The following FREM1 variants were observed in gnomAD, a reference collection of about 807,000 sequenced individuals.
The protein encoded by FREM1 is FRAS1-related extracellular matrix protein 1.
Under a neutral mutation model 210.1 loss-of-function variants are expected in FREM1, and 220 were observed. The ratio of observed to expected loss-of-function variants is 1.05; its 90% CI spans 0.94 to 1.17. The LOEUF (loss-of-function observed/expected upper bound fraction) is 1.17, where lower values mean the gene tolerates loss of function less well. Among genes scored for constraint, FREM1 ranks in the 50% most tolerant of loss-of-function variants. FREM1 has a pLI of 0.00. For synonymous variants in FREM1, 1,189 were observed against 980.2 expected (o/e 1.21, Z -3.98); for missense variants, 3,454 against 2,675.5 (o/e 1.29, Z -6.42).
chr9:14,796,300 A>C (rs1852370749), intron 21 of FREM1, among the ~76,000 whole-genome samples: 1 of 152,154 alleles, frequency 6.6e-6, no homozygotes. Context: ...TTACTGTTGC[A>C]CTATTGAAAA....
At chr9:14,870,257 C>T (rs979536860) in intron 1 of FREM1, among the ~76,000 whole-genome samples, 1 of 152,168 alleles carries the variant, frequency 6.6e-6, no homozygotes, top group Non-Finnish European at 1.5e-5. Flanking sequence ...ATTTCCATTC[C>T]CTTGTCACTG....
At chr9:14,781,049 A>G (rs1251203041) in intron 24 of FREM1, among the ~76,000 whole-genome samples, 1 of 152,152 alleles carries the variant, frequency 6.6e-6, no homozygotes, top group Non-Finnish European at 1.5e-5. Context: ...TTCTCCACAA[A>G]TTTTTGGTAC....
chr9:14,782,706 GACA>G (rs1849819352), intron 24 of FREM1, among the ~76,000 whole-genome samples: 2 of 152,136 alleles, frequency 1.3e-5, no homozygotes, highest in African/African-American at 2.4e-5. Context: ...AGAATATAAT[GACA>G]ACAACAACGA....
chr9:14,776,170 G>A lies in FREM1; in HGVS notation c.4476C>T (p.His1492=), dbSNP rs368796043. Residue 1492 remains histidine (H), a synonymous_variant, in exon 25 of 37, where the codon CAC becomes CAT. Transcript: ENST00000380880. ...FIISNGLRTE[H]GVFEITLETV... is the part of the protein sequence containing the mutation. The stretch of plus-strand genomic sequence containing the variant: ...TCTCCAGTGTGATCTCAAACACCCC[G>A]TGCTCGGTCCGCAGTCCATTGCTGA... 155 of 1,540,240 alleles carry A rather than the reference G, an allele frequency of 1.0e-4. No homozygotes were observed. The highest frequency in any genetic ancestry group is 1.2e-4 in the Non-Finnish European group (140 of 1,143,666).
At chr9:14,776,300 T>G in intron 24 of FREM1, 97 bp from the exon 25 acceptor site, 17 of 1,331,032 alleles carry the variant, frequency 1.3e-5, no homozygotes, top group Non-Finnish European at 1.7e-5. Context: ...TAAAGGGTAT[T>G]GTCGTGTTGT....
In FREM1 at chr9:14,824,121, G is replaced by A; in HGVS notation, c.2079-6C>T. 1.3e-6 allele frequency: 2 copies of A among 1,531,154 alleles called. No homozygotes were observed. Among genetic ancestry groups the A allele is most frequent in the Non-Finnish European group, 1.8e-6 (2 of 1,121,348 alleles). The allele number at this position is 1,531,154 out of a possible 1,614,324, so 94.8% of individuals were successfully genotyped here. A position where few individuals can be genotyped will look rare whatever the true frequency, so the allele number is the denominator to read the frequency against. On this transcript the variant is annotated splice_polypyrimidine_tract_variant and splice_region_variant and intron_variant, in intron 11 of 36. Coordinates refer to ENST00000380880, the MANE Select transcript of FREM1 (RefSeq NM_001379081.2). The stretch of plus-strand genomic sequence containing the variant: ...ATTTCCCAGCATCCAAGTGTCTAAA[G>A]AGAAATACAGAGGAGCACATCAGCT...
chr9:14,775,767 G>A (rs1204113756), intron 25 of FREM1, 22 bp downstream of exon 25: 3 of 1,156,770 alleles, frequency 2.6e-6, no homozygotes, highest in East Asian at 2.8e-5. Context: ...TCTGGCAAAT[G>A]AACTGTGTTT....
chr9:14,776,082 C>G lies in FREM1; in HGVS notation c.4564G>C (p.Val1522Leu), dbSNP rs61735747. ...AGGAGGTCAGGGGAAAGCAGGCCCA[C>G]GGCCCCTTGGGCCAGTCTCAACCCC... ...NKGLRLAQGA[V>L]GLLSPDLLQL... The change falls in exon 25 of 37, where the codon GTG becomes CTG. Residue 1522 changes from valine to leucine, a missense_variant. By Grantham distance (32) the Val-to-Leu change is conservative (BLOSUM62 1). Transcript: ENST00000380880. The G allele has an allele frequency of 6.2e-7, 1 of 1,612,766 alleles. No homozygotes were observed. The highest frequency in any genetic ancestry group is 8.5e-7 in the Non-Finnish European group (1 of 1,179,034).
chr9:14,866,299 T>C (rs1831504138), intron 2 of FREM1, among the ~76,000 whole-genome samples: 1 of 152,200 alleles, frequency 6.6e-6, no homozygotes. Context: ...TTTTACCTAG[T>C]TCTAGTCACT....
chr9:14,823,278 A>G lies in FREM1; in HGVS notation c.2219T>C (p.Ile740Thr). 2 of 1,613,972 alleles carry G rather than the reference A, an allele frequency of 1.2e-6. No homozygotes were observed. Among genetic ancestry groups the G allele is most frequent in the Middle Eastern group, 1.6e-4 (1 of 6,062 alleles). ...CTGGACATCTCTGCAATGGGGACCAATGTCTTGCATGGGGGGCATGTAGGC... is the reference window on the plus strand; with the variant it reads ...CTGGACATCTCTGCAATGGGGACCAGTGTCTTGCATGGGGGGCATGTAGGC... Reference protein sequence around the residue: ...KVAYMPPMQDIGPHCRDVQFT... With the variant: ...KVAYMPPMQDTGPHCRDVQFT... Residue 740 changes from isoleucine (I) to threonine (T), a missense_variant, in exon 13 of 37, where the codon ATT (isoleucine) becomes ACT (threonine). Ile to Thr is a moderately conservative substitution (Grantham distance 89). Coordinates refer to ENST00000380880, the MANE Select transcript of FREM1 (RefSeq NM_001379081.2).
In FREM1 at chr9:14,773,123, T is replaced by A. The variant is rs146977073; in HGVS notation, c.4858-2317A>T. 3.9e-3 allele frequency among the ~76,000 whole-genome samples: 589 copies of A among 152,284 alleles called. 5 individuals are homozygous for A. Among genetic ancestry groups the A allele is most frequent in the African/African-American group, 0.013 (551 of 41,550 alleles). The stretch of plus-strand genomic sequence containing the variant: ...AGATTTTTTTTTAAAGAAAGCTCTG[T>A]CCCCTGATAACTTGTGTTGTATTTA... On this transcript the variant is annotated intron_variant, in intron 25 of 36. Coordinates refer to ENST00000380880, the MANE Select transcript of FREM1 (RefSeq NM_001379081.2).
At position 14,808,221 on chromosome 9, in the gene FREM1, T is replaced by C. The variant is rs529897113; in HGVS notation, c.2894-87A>G. Reference sequence around the variant, plus strand: ...TCTACTCACACCTCTTCTACAAGCATTGAAACAGCAAGGAAAAGAAGTTAT... The same window carrying C: ...TCTACTCACACCTCTTCTACAAGCACTGAAACAGCAAGGAAAAGAAGTTAT... On this transcript the variant is annotated intron_variant, in intron 16 of 36. Transcript: ENST00000380880. 8.0e-5 allele frequency: 63 copies of C among 786,190 alleles called. No homozygotes were observed. The African/African-American group carries it at 1.1e-3, about 13-fold the overall frequency. 48.7% of individuals were successfully genotyped at this position (786,190 alleles called of 1,614,324 possible).
At chr9:14,803,317 C>CCCCTCCCCTCCCCTA (rs1817695464) in intron 19 of FREM1, among the ~76,000 whole-genome samples, 1 of 121,502 alleles carries the variant, frequency 8.2e-6, no homozygotes, top group Non-Finnish European at 1.7e-5. Flanking sequence ...TTTTTCTTTT[C>CCCCTCCCCTCCCCTA]CCCTCCCCTC....
At chr9:14,783,075 A>C (rs535308429) in intron 24 of FREM1, among the ~76,000 whole-genome samples, 2 of 152,360 alleles carry the variant, frequency 1.3e-5, no homozygotes, top group African/African-American at 4.8e-5. Context: ...TGATCAATTA[A>C]ATGATTACCT....
chr9:14,846,144 T>C, intron 7 of FREM1, 53 bp from the exon 8 acceptor site: 1 of 1,418,432 alleles, frequency 7.1e-7, no homozygotes, highest in Non-Finnish European at 9.7e-7. Context: ...ATAAAGAAAA[T>C]GAGGCACATA....
chr9:14,770,365 G>A (rs1402102692), intron 26 of FREM1, among the ~76,000 whole-genome samples: 2 of 151,904 alleles, frequency 1.3e-5, no homozygotes, highest in Non-Finnish European at 2.9e-5. Context: ...ATCAGCTGTT[G>A]AGAAAAAAAA....
chr9:14,738,125 A>G (rs1840736405), intron 36 of FREM1, among the ~76,000 whole-genome samples: 1 of 152,208 alleles, frequency 6.6e-6, no homozygotes, highest in Non-Finnish European at 1.5e-5. Flanking sequence ...TCAATCTGCT[A>G]CAATTCCAAT....
rs188895144 is a variant in FREM1 at position 14,779,580 on chromosome 9, G to A, written c.4443-3377C>T. 25 of 671,370 alleles carry A rather than the reference G, an allele frequency of 3.7e-5. No homozygotes were observed. In the East Asian group the frequency reaches 9.6e-4, roughly 26 times the overall value. 41.6% of individuals were successfully genotyped at this position (671,370 alleles called of 1,614,324 possible). A position where few individuals can be genotyped will look rare whatever the true frequency, so the allele number is the denominator to read the frequency against. Reference sequence around the variant, plus strand: ...GGGTCCTCAAAGCTCATCTCAGGACGGCCACATCTACTCGATGCGTGCATG... The same window carrying A: ...GGGTCCTCAAAGCTCATCTCAGGACAGCCACATCTACTCGATGCGTGCATG... On this transcript the variant is annotated intron_variant, in intron 24 of 36. Transcript: ENST00000380880.
intron 16 of FREM1, among the ~76,000 whole-genome samples, chr9:14,811,859 ACCTGG>A (rs1819467278): frequency 6.6e-6 from 1 of 151,930 alleles, no homozygotes; most frequent in Non-Finnish European, 1.5e-5. Flanking sequence ...TATACCACTC[ACCTGG>A]CCTTACATAC....
Sources: gnomAD v4.1 joint callset for allele counts (sites outside exome capture counted in the v4.1 genomes callset) on GRCh38, gnomAD v4.1.1 for gene constraint, MANE v1.5 for transcripts, NCBI Gene and HGNC (gene_info 2026-07-23, HGNC 2026-07-21) for gene names.